Variants in BDP1 observed in about 807,000 individuals in gnomAD.
The protein encoded by BDP1 is transcription factor TFIIIB component B'' homolog.
BDP1 carries 169 observed loss-of-function variants against 266.6 expected under a neutral mutation model. The ratio of observed to expected loss-of-function variants is 0.63; its 90% CI spans 0.56 to 0.72. The LOEUF (loss-of-function observed/expected upper bound fraction) is 0.72. BDP1 is among the 30% of genes least tolerant of loss of function. The pLI is 0.00. For missense variants in BDP1, 3,015 were observed against 3,053.8 expected, an observed-to-expected ratio of 0.99 and a Z score of 0.30; for synonymous variants, 1,090 against 1,022.4, an observed-to-expected ratio of 1.07 and a Z score of -1.26.
rs1561799566 is a variant in BDP1 at position 71,565,917 on chromosome 5, A to AT, written c.*1037dup. On this transcript the variant is annotated 3_prime_UTR_variant, in exon 39 of 39. Transcript: ENST00000358731. ...AGATGACACATCAAAGGGCTTATTT[A>AT]TTTTTAAATTTTTTATTTAAAAGGA... 1 of 160,752 alleles carries AT rather than the reference A, an allele frequency of 6.2e-6. No homozygotes were observed. The highest frequency in any genetic ancestry group is 1.4e-5 in the Non-Finnish European group (1 of 72,564). The allele number at this position is 160,752 out of a possible 1,614,324, so 10.0% of individuals were successfully genotyped here. A position where few individuals can be genotyped will look rare whatever the true frequency, so the allele number is the denominator to read the frequency against.
At chr5:71,544,263 T>G in intron 30 of BDP1, 94 bp from the exon 31 acceptor site, 1 of 1,184,692 alleles carries the variant, frequency 8.4e-7, no homozygotes, top group African/African-American at 1.5e-5. Context: ...AGTCACTATA[T>G]AGGAATCTTC....
chr5:71,564,422 A>G (rs1010893585), intron 38 of BDP1, among the ~76,000 whole-genome samples: 1 of 152,040 alleles, frequency 6.6e-6, no homozygotes, highest in African/African-American at 2.4e-5. Flanking sequence ...GGAAATTAGG[A>G]TGAAGTAATG....
At chr5:71,572,696 G>C (rs138732492), downstream of BDP1, among the ~76,000 whole-genome samples, 2 of 152,264 alleles carry the variant, frequency 1.3e-5, no homozygotes, top group East Asian at 3.9e-4. Flanking sequence ...AGGTTATTAC[G>C]CATAACCCAT....
chr5:71,469,872 A>C (rs1284631874), intron 6 of BDP1, among the ~76,000 whole-genome samples: 14 of 102,178 alleles, frequency 1.4e-4, no homozygotes, highest in East Asian at 2.8e-4. Context: ...ATGGAATTTC[A>C]CTTTTGTTGC....
At position 71,510,884 on chromosome 5, in the gene BDP1, C is replaced by G. The variant is rs715747; in HGVS notation, c.3792C>G (p.Ile1264Met). The change falls in exon 17 of 39, where the codon ATC becomes ATG. Residue 1264 changes from isoleucine to methionine, a missense_variant. Ile to Met is a conservative substitution (Grantham distance 10, BLOSUM62 1). Coordinates refer to ENST00000358731, the MANE Select transcript of BDP1 (RefSeq NM_018429.3). ...LKETGKRDIP[I>M]MEKVSGKMAV... ...AAACTGGAAAAAGAGACATTCCCAT[C>G]ATGGAGAAAGTATCAGGAAAGATGG... 1,330,476 of 1,613,756 alleles carry G rather than the reference C, an allele frequency of 0.82. 550,720 individuals carry two copies. The highest frequency in any genetic ancestry group is 0.88 in the Admixed American group (53,039 of 60,014).
chr5:71,526,634 A>AAAAG (rs1765900808), intron 25 of BDP1, among the ~76,000 whole-genome samples: 1 of 149,128 alleles, frequency 6.7e-6, no homozygotes, highest in African/African-American at 2.4e-5. Flanking sequence ...AAAAAAAAAA[A>AAAAG]AAGAAGAGTG....
chr5:71,476,555 T>TA lies in BDP1; in HGVS notation c.1014+6066_1014+6067insA, dbSNP rs1251011715. 3.0e-4 allele frequency among the ~76,000 whole-genome samples: 44 copies of TA among 146,632 alleles called. 2 individuals carry two copies. Among genetic ancestry groups the TA allele is most frequent in the Admixed American group, 2.1e-3 (31 of 15,000 alleles). On this transcript the variant is annotated intron_variant, in intron 7 of 38. Coordinates refer to ENST00000358731, the MANE Select transcript of BDP1 (RefSeq NM_018429.3). ...CAGCTTTGACTTTTTTTTCCCTTTT[T>TA]TTTTAGACAGAGTCTCGCTCTGTCA... is the stretch of plus-strand genomic sequence containing the variant.
rs984560632 is a variant in BDP1, at chr5:71,497,352, A to G, written c.1882A>G (p.Lys628Glu). ...RPKPNLSRAG[K>E]KSVLSQGKTE... The stretch of plus-strand genomic sequence containing the variant: ...TAAACCCAATTTGTCAAGGGCTGGG[A>G]AGAAATCAGTTCTTTCACAAGGCAA... The change falls in exon 13 of 39, where the codon AAG (lysine) becomes GAG (glutamate). Residue 628 changes from lysine to glutamate, a missense_variant. By Grantham distance (56) the Lys-to-Glu change is moderately conservative. Coordinates refer to ENST00000358731, the MANE Select transcript of BDP1 (RefSeq NM_018429.3). 4.3e-6 allele frequency: 7 copies of G among 1,613,706 alleles called. No homozygotes were observed. In the Admixed American group the frequency reaches 1.0e-4, roughly 23 times the overall value.
intron 18 of BDP1, 83 bp from the exon 19 acceptor site, chr5:71,513,102 G>A (rs769448822): frequency 2.8e-5 from 17 of 605,840 alleles, no homozygotes; most frequent in Non-Finnish European, 4.2e-5. Flanking sequence ...AATGTTTACC[G>A]CCAGTCTCTA....
chr5:71,493,273 A>T (rs1334274603), intron 11 of BDP1, among the ~76,000 whole-genome samples: 1 of 152,228 alleles, frequency 6.6e-6, no homozygotes, highest in East Asian at 1.9e-4. Context: ...TAATTAAAAA[A>T]TGTTGTGACA....
Position 71,510,700 on chromosome 5 carries a change from C to G in BDP1, c.3608C>G (p.Thr1203Ser), listed in dbSNP as rs746129660. The G allele has an allele frequency of 1.2e-6, 2 of 1,613,204 alleles. No individual in the cohort carries two copies. Among genetic ancestry groups the G allele is most frequent in the African/African-American group, 2.7e-5 (2 of 74,774 alleles). The part of the protein sequence containing the change: ...AEVIETDLEE[T>S]EREISPQENG... ...GTAATAGAGACAGATTTGGAAGAAA[C>G]TGAAAGAGAAATATCGCCACAGGAA... The change falls in exon 17 of 39, where the codon ACT becomes AGT. Residue 1203 changes from threonine (T) to serine (S), a missense_variant. Thr to Ser is a moderately conservative substitution (Grantham distance 58). Coordinates refer to ENST00000358731, the MANE Select transcript of BDP1 (RefSeq NM_018429.3).
Position 71,541,551 on chromosome 5 carries a change from G to T in BDP1, c.6120G>T (p.Gln2040His). The T allele has an allele frequency of 1.9e-6, 3 of 1,611,314 alleles. No individual in the cohort carries two copies. Reference sequence around the variant, plus strand: ...ATCACAAAATTGTTCATGAATGTCAGGAACTTTCTTCACCTGTCATTACTA... The same window carrying T: ...ATCACAAAATTGTTCATGAATGTCATGAACTTTCTTCACCTGTCATTACTA... ...NVNHKIVHEC[Q>H]ELSSPVITTS... Residue 2040 changes from glutamine (Q) to histidine (H), a missense_variant, in exon 29 of 39, where the codon CAG (glutamine) becomes CAT (histidine). By Grantham distance (24) the Gln-to-His change is conservative. This residue lies in a region of BDP1 where 2,383 missense variants were observed against 2,404.9 expected (regional missense o/e 0.99). Coordinates refer to ENST00000358731, the MANE Select transcript of BDP1 (RefSeq NM_018429.3).
chr5:71,539,535 T>C (rs752990712), intron 27 of BDP1, 22 bp from the exon 28 acceptor site: 3 of 1,556,474 alleles, frequency 1.9e-6, no homozygotes, highest in Non-Finnish European at 2.6e-6. Context: ...TTTTTTTTAA[T>C]GTTGATATAT....
chr5:71,548,833 T>C (rs1395785176), intron 33 of BDP1, 88 bp downstream of exon 33: 1 of 958,732 alleles, frequency 1.0e-6, no homozygotes, highest in African/African-American at 1.6e-5. Context: ...ATAAAACAGT[T>C]GTATTTTAGT....
chr5:71,469,927 C>T (rs561217834), intron 6 of BDP1, among the ~76,000 whole-genome samples: 47 of 151,642 alleles, frequency 3.1e-4, no homozygotes, highest in African/African-American at 4.6e-4. Context: ...CTGCAACCTC[C>T]GCTTCCCGGG....
chr5:71,483,978 T>C (rs1257889675), intron 8 of BDP1, 82 bp downstream of exon 8: 1 of 1,182,376 alleles, frequency 8.5e-7, no homozygotes, highest in African/African-American at 1.6e-5. Flanking sequence ...CTTTAGTGTG[T>C]TTTAGATTTG....
intron 25 of BDP1, among the ~76,000 whole-genome samples, chr5:71,525,274 C>T (rs1466812617): frequency 6.8e-6 from 1 of 147,164 alleles, no homozygotes; most frequent in African/African-American, 2.5e-5. Context: ...CTGACCCCCC[C>T]CACCTCCCTC....
At position 71,558,361 on chromosome 5, in the gene BDP1, A is replaced by G. The variant is rs1364153170; in HGVS notation, c.7240+1436A>G. On this transcript the variant is annotated intron_variant, in intron 36 of 38. Transcript: ENST00000358731. ...ACATGGCGAAACCCCATCTCTACTA[A>G]AAATACAAAAAATTAGCCAGGCGTG... Among the ~76,000 whole-genome samples the G allele has an allele frequency of 4.0e-4, 61 of 151,608 alleles. 1 individual carries two copies. The highest frequency in any genetic ancestry group is 1.0e-4 in the Non-Finnish European group (7 of 67,938).
At chr5:71,543,055 A>T (rs1276811200) in intron 30 of BDP1, among the ~76,000 whole-genome samples, 1 of 152,070 alleles carries the variant, frequency 6.6e-6, no homozygotes, top group African/African-American at 2.4e-5. Context: ...TGGGAAGCCA[A>T]GGTGGGTGGC....
Sources: gnomAD v4.1 joint callset for allele counts (sites outside exome capture counted in the v4.1 genomes callset) on GRCh38, gnomAD v4.1.1 for gene constraint, gnomAD v4.1.1 regional missense constraint, MANE v1.5 for transcripts, NCBI Gene and HGNC (gene_info 2026-07-23, HGNC 2026-07-21) for gene names.